The following HOOK3 variants were observed in gnomAD, a reference collection of about 807,000 sequenced individuals.
HOOK3 encodes the protein hook microtubule tethering protein 3, also known as protein Hook homolog 3.
In HOOK3, 24 loss-of-function variants were observed where a neutral mutation model predicts 116.3. That is an observed-to-expected ratio of 0.21 (90% CI 0.15 to 0.29). HOOK3 has a LOEUF of 0.29. Among genes scored for constraint, HOOK3 ranks in the 10% least tolerant of loss-of-function variants. HOOK3 has a pLI of 1.00. For synonymous variants in HOOK3, 275 were observed against 283.0 expected (o/e 0.97, Z 0.28); for missense variants, 632 against 830.2 (o/e 0.76, Z 2.93).
intron 2 of HOOK3, 73 bp downstream of exon 2, chr8:42,906,331 A>G: frequency 9.2e-7 from 1 of 1,081,898 alleles, no homozygotes; most frequent in South Asian, 1.3e-5. Flanking sequence ...CATGGATTAA[A>G]AAAGTACTTA....
chr8:42,963,272 A>C (rs934921555), intron 8 of HOOK3, among the ~76,000 whole-genome samples: 2 of 152,200 alleles, frequency 1.3e-5, no homozygotes, highest in African/African-American at 4.8e-5. Context: ...TGAGCATCCT[A>C]AATCCAAAAA....
chr8:42,948,636 T>TA (rs1586605318), intron 5 of HOOK3, among the ~76,000 whole-genome samples: 1 of 152,216 alleles, frequency 6.6e-6, no homozygotes. Context: ...TTCACAGTCT[T>TA]ACTTTTAGAG....
chr8:43,005,440 G>C (rs7839567), intron 17 of HOOK3, among the ~76,000 whole-genome samples: 1 of 151,544 alleles, frequency 6.6e-6, no homozygotes, highest in Non-Finnish European at 1.5e-5. Flanking sequence ...GCCAGGATGG[G>C]CTTGATCTCC....
At chr8:42,927,607 T>C (rs1807793727) in intron 3 of HOOK3, among the ~76,000 whole-genome samples, 1 of 152,078 alleles carries the variant, frequency 6.6e-6, no homozygotes. Context: ...ATTTATTTAT[T>C]TTTATTTACT....
intron 5 of HOOK3, among the ~76,000 whole-genome samples, chr8:42,944,300 C>T (rs1808183233): frequency 6.6e-6 from 1 of 151,846 alleles, no homozygotes; most frequent in African/African-American, 2.4e-5. Context: ...CCTGTAATCC[C>T]AGCTACTCAG....
At chr8:42,939,615 G>A (rs1309980823) in intron 4 of HOOK3, among the ~76,000 whole-genome samples, 23 of 151,052 alleles carry the variant, frequency 1.5e-4, no homozygotes, top group African/African-American at 4.9e-4. Flanking sequence ...CTGGCCGGGC[G>A]GGGGGCTGAC....
intron 1 of HOOK3, among the ~76,000 whole-genome samples, chr8:42,902,113 C>G (rs1279028818): frequency 6.6e-6 from 1 of 152,132 alleles, no homozygotes; most frequent in Non-Finnish European, 1.5e-5. Flanking sequence ...TGCATCCCTT[C>G]CCTTTCATAG....
rs1249701082 is a variant in HOOK3 at position 43,024,966 on chromosome 8, T to C, written c.*6468T>C. ...TATATAGATGATTTTATTTTTTAAA[T>C]AGCCTTTTATCAAACCATTTCACAT... On this transcript the variant is annotated 3_prime_UTR_variant, in exon 22 of 22. Transcript: ENST00000307602. 3 of 203,096 alleles carry C rather than the reference T, an allele frequency of 1.5e-5. No individual in the cohort carries two copies. Among genetic ancestry groups the C allele is most frequent in the Non-Finnish European group, 3.0e-5 (3 of 98,886 alleles). 12.6% of individuals were successfully genotyped at this position (203,096 alleles called of 1,614,324 possible).
At chr8:42,940,810 G>C (rs1476535343) in intron 4 of HOOK3, among the ~76,000 whole-genome samples, 1 of 152,072 alleles carries the variant, frequency 6.6e-6, no homozygotes, top group Non-Finnish European at 1.5e-5. Context: ...TGCTAGGTTG[G>C]GGAAGTTTTC....
intron 3 of HOOK3, among the ~76,000 whole-genome samples, chr8:42,926,443 C>T (rs931326869): frequency 3.9e-5 from 6 of 152,156 alleles, no homozygotes; most frequent in Non-Finnish European, 8.8e-5. Context: ...TCCGCCACCA[C>T]ACCCAGCTAA....
At chr8:42,986,551 T>C in intron 14 of HOOK3, 104 bp from the exon 15 acceptor site, 1 of 753,672 alleles carries the variant, frequency 1.3e-6, no homozygotes, top group South Asian at 2.5e-5. Flanking sequence ...TCTGTTCTGG[T>C]ATTAAATTTG....
chr8:43,009,910 A>G (rs1281139462), intron 18 of HOOK3, among the ~76,000 whole-genome samples: 2 of 152,122 alleles, frequency 1.3e-5, no homozygotes, highest in South Asian at 2.1e-4. Context: ...GTAGAATCAT[A>G]TAATATTTGT....
Position 42,976,725 on chromosome 8 carries a change from G to A in HOOK3, c.1321+2531G>A, listed in dbSNP as rs538271104. Reference sequence around the variant, plus strand: ...ATCCTGGCTAACACGGTGAAACCCCGTCTCTACTAAAAATACAAAAAATTA... The same window carrying A: ...ATCCTGGCTAACACGGTGAAACCCCATCTCTACTAAAAATACAAAAAATTA... On this transcript the variant is annotated intron_variant, in intron 13 of 21. Transcript: ENST00000307602. Among the ~76,000 whole-genome samples, 9 of 152,092 alleles carry A rather than the reference G, an allele frequency of 5.9e-5. No homozygotes were observed. The East Asian group carries it at 1.2e-3, about 20-fold the overall frequency.
At chr8:42,897,894 C>A (rs77754368) in intron 1 of HOOK3, among the ~76,000 whole-genome samples, 7,434 of 152,278 alleles carry the variant, frequency 0.049, 374 homozygotes, top group African/African-American at 0.12. Flanking sequence ...GGGGAACCGA[C>A]GCCCGGGTTC....
At position 42,957,164 on chromosome 8, in the gene HOOK3, AT is replaced by A; in HGVS notation, c.531+12del. Reference sequence around the variant, plus strand: ...GTTGACCTTGATCGTCAGGTATATAATTTTACATTGTTTTTATTCATGAAAA... The same window carrying A: ...GTTGACCTTGATCGTCAGGTATATAATTTACATTGTTTTTATTCATGAAAA... On this transcript the variant is annotated intron_variant, in intron 7 of 21. Coordinates refer to ENST00000307602, the MANE Select transcript of HOOK3 (RefSeq NM_032410.4). The A allele has an allele frequency of 6.5e-7, 1 of 1,543,140 alleles. No homozygotes were observed. The highest frequency in any genetic ancestry group is 8.9e-7 in the Non-Finnish European group (1 of 1,126,638).
In HOOK3 at chr8:43,027,397, TG is replaced by T; in HGVS notation, c.*8900del. ...GCCAAAGAATAGAGAGATTTGCTTA[TG>T]AGAACATTCTGTCATTTGTTCTGTT... On this transcript the variant is annotated 3_prime_UTR_variant, in exon 22 of 22. Coordinates refer to ENST00000307602, the MANE Select transcript of HOOK3 (RefSeq NM_032410.4). 3 of 387,040 alleles carry T rather than the reference TG, an allele frequency of 7.8e-6. No homozygotes were observed. Among genetic ancestry groups the T allele is most frequent in the Non-Finnish European group, 1.4e-5 (3 of 210,252 alleles). The allele number at this position is 387,040 out of a possible 1,614,324, so 24.0% of individuals were successfully genotyped here.
intron 1 of HOOK3, among the ~76,000 whole-genome samples, chr8:42,901,732 G>C (rs1807193624): frequency 6.6e-6 from 1 of 152,076 alleles, no homozygotes; most frequent in African/African-American, 2.4e-5. Flanking sequence ...TTTTTTTGGA[G>C]GTGGAGTCTT....
In HOOK3 at chr8:43,019,354, A is replaced by G; in HGVS notation, c.*856A>G. 1 of 214,632 alleles carries G rather than the reference A, an allele frequency of 4.7e-6. No individual in the cohort carries two copies. The highest frequency in any genetic ancestry group is 9.4e-6 in the Non-Finnish European group (1 of 106,498). The allele number at this position is 214,632 out of a possible 1,614,324, so 13.3% of individuals were successfully genotyped here. A position where few individuals can be genotyped will look rare whatever the true frequency, so the allele number is the denominator to read the frequency against. On this transcript the variant is annotated 3_prime_UTR_variant, in exon 22 of 22. Coordinates refer to ENST00000307602, the MANE Select transcript of HOOK3 (RefSeq NM_032410.4). ...TACCTTCAGTTGCTTTCCACATCTA[A>G]AAGAGTTATCTTTCATATATGTACA...
chr8:42,899,231 CTATT>C (rs1283320566), intron 1 of HOOK3, among the ~76,000 whole-genome samples: 1 of 152,190 alleles, frequency 6.6e-6, no homozygotes, highest in African/African-American at 2.4e-5. Flanking sequence ...ATGAGAGAAT[CTATT>C]TAGAATCTCC....
Sources: gnomAD v4.1 joint callset for allele counts (sites outside exome capture counted in the v4.1 genomes callset) on GRCh38, gnomAD v4.1.1 for gene constraint, MANE v1.5 for transcripts, NCBI Gene and HGNC (gene_info 2026-07-23, HGNC 2026-07-21) for gene names.